Variants in SCAPER observed in about 807,000 individuals in gnomAD.
SCAPER encodes the protein S-phase cyclin A associated protein in the ER, also known as S phase cyclin A-associated protein in the endoplasmic reticulum.
Under a neutral mutation model 182.2 loss-of-function variants are expected in SCAPER, and 98 were observed. The ratio of observed to expected loss-of-function variants is 0.54; its 90% CI spans 0.46 to 0.64. SCAPER has a LOEUF of 0.64. Ranked by LOEUF, SCAPER falls within the 30% of genes least tolerant of loss-of-function variation. The pLI, the probability that SCAPER is intolerant of heterozygous loss-of-function variation, is 0.00. For synonymous variants in SCAPER, 605 were observed against 564.6 expected, an observed-to-expected ratio of 1.07 and a Z score of -1.01; for missense variants, 1,432 against 1,690.0, an observed-to-expected ratio of 0.85 and a Z score of 2.68.
intron 23 of SCAPER, among the ~76,000 whole-genome samples, chr15:76,538,846 T>A (rs1047644932): frequency 5.3e-5 from 8 of 152,142 alleles, no homozygotes; most frequent in Non-Finnish European, 8.8e-5. Context: ...AGTTATTTGA[T>A]CTCCACGTCA....
At chr15:76,560,005 T>C (rs2046489147) in intron 23 of SCAPER, among the ~76,000 whole-genome samples, 1 of 152,238 alleles carries the variant, frequency 6.6e-6, no homozygotes, top group Non-Finnish European at 1.5e-5. Context: ...GCTATTTTGT[T>C]AGAAACATCA....
At chr15:76,747,341 A>AAAATACAAACATTAGCTGGGTG (rs1054951449) in intron 15 of SCAPER, among the ~76,000 whole-genome samples, 2 of 152,112 alleles carry the variant, frequency 1.3e-5, no homozygotes, top group Non-Finnish European at 2.9e-5. Context: ...ATCTCTACTA[A>AAAATACAAACATTAGCTGGGTG]AAATACAAAC....
chr15:76,774,251 C>T, intron 9 of SCAPER: 1 of 235,370 alleles, frequency 4.2e-6, no homozygotes, highest in Non-Finnish European at 8.3e-6. Flanking sequence ...GAATTATGGA[C>T]AAAGGACAAT....
At chr15:76,738,238 T>C (rs2061373640) in intron 15 of SCAPER, among the ~76,000 whole-genome samples, 1 of 152,044 alleles carries the variant, frequency 6.6e-6, no homozygotes, top group South Asian at 2.1e-4. Flanking sequence ...AAGTGATTCG[T>C]TCACATCAGC....
At chr15:76,850,261 T>G (rs1245784056) in intron 4 of SCAPER, among the ~76,000 whole-genome samples, 1 of 152,222 alleles carries the variant, frequency 6.6e-6, no homozygotes, top group African/African-American at 2.4e-5. Context: ...TAAAGGACTT[T>G]TTTAGCACAC....
In SCAPER at chr15:76,757,455, TACAC is replaced by T. The variant is rs67231689; in HGVS notation, c.1726-3511_1726-3508del. On this transcript the variant is annotated intron_variant, in intron 14 of 31. Transcript: ENST00000563290. Reference sequence around the variant, plus strand: ...GCTAGATAATATTCTGTTTTATATATACACACACACACACACACACACACTCAAA... The same window carrying T: ...GCTAGATAATATTCTGTTTTATATATACACACACACACACACACACTCAAA... Among the ~76,000 whole-genome samples the T allele has an allele frequency of 3.6e-3, 548 of 150,420 alleles. 4 individuals are homozygous for T. Among genetic ancestry groups the T allele is most frequent in the African/African-American group, 0.012 (495 of 41,146 alleles).
chr15:76,722,650 T>A (rs1307152550), intron 17 of SCAPER, among the ~76,000 whole-genome samples: 1 of 152,220 alleles, frequency 6.6e-6, no homozygotes, highest in African/African-American at 2.4e-5. Flanking sequence ...CCTGGTTAAG[T>A]CTTGGGAGGG....
chr15:76,461,410 C>T (rs1469320888), intron 25 of SCAPER, among the ~76,000 whole-genome samples: 1 of 151,674 alleles, frequency 6.6e-6, no homozygotes, highest in Non-Finnish European at 1.5e-5. Context: ...TCTCATCCTA[C>T]ATTTGTCCAC....
chr15:76,429,572 G>A (rs2046715345), intron 26 of SCAPER, among the ~76,000 whole-genome samples: 1 of 152,144 alleles, frequency 6.6e-6, no homozygotes, highest in Non-Finnish European at 1.5e-5. Context: ...CAAAGAGACT[G>A]GCGGCATTTT....
In SCAPER at chr15:76,886,501, T is replaced by TA. The variant is rs1372173690; in HGVS notation, c.-59-2626dup. ...TCTCAAAAACAAATAAATAAAAATT[T>TA]AAAAAAACATATGCTGGCAAGGTTC... On this transcript the variant is annotated intron_variant, in intron 1 of 31. Transcript: ENST00000563290. 5.9e-5 allele frequency among the ~76,000 whole-genome samples: 9 copies of TA among 152,056 alleles called. No individual in the cohort carries two copies. In the South Asian group the frequency reaches 1.5e-3, roughly 25 times the overall value.
Position 76,568,008 on chromosome 15 carries a change from GATCC to G in SCAPER, c.2838+6146_2838+6149del, listed in dbSNP as rs1360852222. Among the ~76,000 whole-genome samples the G allele has an allele frequency of 6.6e-5, 10 of 151,794 alleles. No individual in the cohort carries two copies. The South Asian group carries it at 1.7e-3, about 25-fold the overall frequency. ...AATTAGTTTTTTCTTTTCATATTTAGATCCATCTGGAATCAATTTTTTGTTTATG... is the reference window on the plus strand; with the variant it reads ...AATTAGTTTTTTCTTTTCATATTTAGATCTGGAATCAATTTTTTGTTTATG... On this transcript the variant is annotated intron_variant, in intron 23 of 31. Coordinates refer to ENST00000563290, the MANE Select transcript of SCAPER (RefSeq NM_020843.4).
intron 15 of SCAPER, among the ~76,000 whole-genome samples, chr15:76,745,883 C>G (rs974616472): frequency 1.3e-5 from 2 of 152,122 alleles, no homozygotes; most frequent in Admixed American, 1.3e-4. Flanking sequence ...TTTAATTCTG[C>G]CTTTCTGATC....
chr15:76,779,636 T>C (rs2063970508), intron 8 of SCAPER, among the ~76,000 whole-genome samples: 1 of 152,092 alleles, frequency 6.6e-6, no homozygotes, highest in Non-Finnish European at 1.5e-5. Flanking sequence ...ACACTAGTTC[T>C]ATGCAAGCTA....
At chr15:76,527,367 T>C (rs1008692648) in intron 23 of SCAPER, among the ~76,000 whole-genome samples, 3 of 152,214 alleles carry the variant, frequency 2.0e-5, no homozygotes, top group Non-Finnish European at 4.4e-5. Context: ...AGCAGCTTCA[T>C]AGTTGCTTTC....
intron 5 of SCAPER, among the ~76,000 whole-genome samples, chr15:76,830,712 G>A (rs185868704): frequency 2.1e-4 from 32 of 152,026 alleles, no homozygotes; most frequent in Admixed American, 1.8e-3. Context: ...TTGTTTTACC[G>A]GTTTAAAATG....
chr15:76,838,224 G>GA (rs994108776), intron 5 of SCAPER, among the ~76,000 whole-genome samples: 1 of 152,100 alleles, frequency 6.6e-6, no homozygotes, highest in East Asian at 1.9e-4. Flanking sequence ...GCAGACATAG[G>GA]AAAAAACAAG....
intron 21 of SCAPER, among the ~76,000 whole-genome samples, chr15:76,651,476 A>T (rs1185221216): frequency 6.6e-6 from 1 of 152,118 alleles, no homozygotes; most frequent in African/African-American, 2.4e-5. Flanking sequence ...GAGAGTGAGC[A>T]TACTTGTCAT....
At chr15:76,900,668 G>A (rs2074731801) in intron 1 of SCAPER, among the ~76,000 whole-genome samples, 1 of 152,198 alleles carries the variant, frequency 6.6e-6, no homozygotes, top group Admixed American at 6.5e-5. Flanking sequence ...AGATGGAAAT[G>A]TAAAGATGGG....
intron 6 of SCAPER, among the ~76,000 whole-genome samples, chr15:76,801,411 A>C (rs976906372): frequency 2.0e-5 from 3 of 152,214 alleles, no homozygotes; most frequent in African/African-American, 7.2e-5. Context: ...ACGCAAAACA[A>C]ATATATAAAT....
Sources: allele counts gnomAD v4.1 joint callset (sites outside exome capture counted in the v4.1 genomes callset), GRCh38; gene constraint gnomAD v4.1.1; transcripts MANE v1.5; gene names NCBI Gene and HGNC (gene_info 2026-07-23, HGNC 2026-07-21).